KLRF1: variants seen among roughly 807,000 people sequenced by gnomAD.
KLRF1 encodes killer cell lectin-like receptor subfamily F member 1.
Under a neutral mutation model 30.7 loss-of-function variants are expected in KLRF1, and 27 were observed. The ratio of observed to expected loss-of-function variants is 0.88; its 90% CI spans 0.65 to 1.21. The LOEUF (loss-of-function observed/expected upper bound fraction) is 1.21, where lower values mean the gene tolerates loss of function less well. Ranked by LOEUF, KLRF1 falls within the 50% of genes most tolerant of loss-of-function variation. The probability of loss-of-function intolerance (pLI) is 0.00; values close to 1 mark genes in which losing one functional copy is unlikely to be tolerated. For missense variants in KLRF1, 246 were observed against 259.3 expected, an observed-to-expected ratio of 0.95 and a Z score of 0.35; for synonymous variants, 92 against 89.3, an observed-to-expected ratio of 1.03 and a Z score of -0.17.
Position 9,842,024 on chromosome 12 carries a change from T to A in KLRF1, c.474+73T>A, listed in dbSNP as rs1041726121. ...GCTTTCCTCAAATATCTTTCCATCT[T>A]TGCATTAAATCATCATTTACCTTGA... is the stretch of plus-strand genomic sequence containing the variant. On this transcript the variant is annotated intron_variant, in intron 4 of 5. Transcript: ENST00000617889. 1.3e-4 allele frequency: 180 copies of A among 1,435,368 alleles called. 1 individual carries two copies. The East Asian group carries it at 4.0e-3, about 32-fold the overall frequency. 88.9% of individuals were successfully genotyped at this position (1,435,368 alleles called of 1,614,324 possible).
upstream of KLRF1, chr12:9,827,480 C>T (rs1867305851): frequency 2.4e-6 from 2 of 828,436 alleles, no homozygotes; most frequent in Non-Finnish European, 3.8e-6. Flanking sequence ...ATTCTTTCCT[C>T]ATTTCATGTT....
upstream of KLRF1, among the ~76,000 whole-genome samples, chr12:9,826,104 AG>A (rs765627750): frequency 8.8e-4 from 134 of 152,316 alleles, no homozygotes; most frequent in African/African-American, 2.7e-3. Context: ...CTTATTTAAA[AG>A]GGTATATTGT....
At chr12:9,837,370 ATATT>A (rs1867600761) in intron 3 of KLRF1, among the ~76,000 whole-genome samples, 1 of 151,568 alleles carries the variant, frequency 6.6e-6, no homozygotes, top group Non-Finnish European at 1.5e-5. Context: ...AAATACATAT[ATATT>A]TATATGTATC....
chr12:9,810,219 C>T, the KLRF1 span, among the ~76,000 whole-genome samples: 1 of 152,102 alleles, frequency 6.6e-6, no homozygotes, highest in African/African-American at 2.4e-5. Flanking sequence ...AATGTGAATG[C>T]ATTTCTCATA....
the KLRF1 span, among the ~76,000 whole-genome samples, chr12:9,801,640 G>T: frequency 2.0e-5 from 3 of 152,020 alleles, no homozygotes; most frequent in African/African-American, 7.2e-5. Context: ...GCCACATAAT[G>T]TCTTCTTTTG....
chr12:9,810,701 T>C, the KLRF1 span, among the ~76,000 whole-genome samples: 1 of 152,216 alleles, frequency 6.6e-6, no homozygotes, highest in African/African-American at 2.4e-5. Flanking sequence ...CTTGCAAAAG[T>C]GTTTATTTCA....
intron 5 of KLRF1, 40 bp from the exon 6 acceptor site, chr12:9,844,378 G>A: frequency 9.6e-7 from 1 of 1,037,630 alleles, no homozygotes; most frequent in Non-Finnish European, 1.5e-6. Flanking sequence ...GATGTCTTCA[G>A]CTACAGTGAT....
chr12:9,823,925 G>A (rs901358977), upstream of KLRF1, among the ~76,000 whole-genome samples: 6 of 152,000 alleles, frequency 3.9e-5, no homozygotes, highest in Admixed American at 2.0e-4. Context: ...TCCCAACACC[G>A]AACCAGGGGG....
the KLRF1 span, among the ~76,000 whole-genome samples, chr12:9,818,845 T>C: frequency 6.6e-6 from 1 of 152,240 alleles, no homozygotes; most frequent in East Asian, 1.9e-4. Flanking sequence ...AAGCAGCTAG[T>C]GTGTGCTGTT....
chr12:9,823,202 G>A (rs543858409), upstream of KLRF1, among the ~76,000 whole-genome samples: 141 of 140,648 alleles, frequency 1.0e-3, no homozygotes, highest in Non-Finnish European at 1.4e-3. Flanking sequence ...ACAATTGAAT[G>A]TAAAACAATT....
At chr12:9,809,477 T>C in the KLRF1 span, among the ~76,000 whole-genome samples, 2 of 152,132 alleles carry the variant, frequency 1.3e-5, no homozygotes, top group African/African-American at 4.8e-5. Flanking sequence ...GTTGAAACCG[T>C]AACTTAAGTA....
intron 3 of KLRF1, among the ~76,000 whole-genome samples, chr12:9,835,014 A>G (rs995215836): frequency 6.6e-6 from 1 of 152,162 alleles, no homozygotes; most frequent in Admixed American, 6.5e-5. Flanking sequence ...AGGTCGTGAC[A>G]GAGGTTGAAA....
the KLRF1 span, among the ~76,000 whole-genome samples, chr12:9,806,139 T>G: frequency 6.6e-6 from 1 of 152,006 alleles, no homozygotes; most frequent in African/African-American, 2.4e-5. Context: ...TTATTTGAGA[T>G]TTCTTCTATT....
At chr12:9,839,838 C>T (rs1435357874) in intron 3 of KLRF1, among the ~76,000 whole-genome samples, 1 of 151,994 alleles carries the variant, frequency 6.6e-6, no homozygotes, top group Non-Finnish European at 1.5e-5. Flanking sequence ...CAACATTCAA[C>T]TTTTAGGTAT....
the KLRF1 span, among the ~76,000 whole-genome samples, chr12:9,811,841 A>G: frequency 6.6e-6 from 1 of 152,230 alleles, no homozygotes; most frequent in Non-Finnish European, 1.5e-5. Flanking sequence ...AATTCTGTGA[A>G]TACTTATGAA....
At chr12:9,810,842 A>G in the KLRF1 span, among the ~76,000 whole-genome samples, 2 of 152,200 alleles carry the variant, frequency 1.3e-5, no homozygotes, top group East Asian at 1.9e-4. Flanking sequence ...TTCTGTGTCA[A>G]TAAGCAAAAG....
chr12:9,833,944 AT>A (rs1394816830), intron 3 of KLRF1, among the ~76,000 whole-genome samples: 1 of 34,304 alleles, frequency 2.9e-5, no homozygotes, highest in Non-Finnish European at 5.8e-5. Context: ...AAGGCTGTTT[AT>A]TTCACCTGGG....
chr12:9,831,412 A>G (rs1353917539), intron 1 of KLRF1, among the ~76,000 whole-genome samples: 2 of 152,074 alleles, frequency 1.3e-5, no homozygotes, highest in East Asian at 3.9e-4. Flanking sequence ...TAGTTTCTCT[A>G]TTTTCTCAGG....
chr12:9,837,007 C>T (rs1003656549), intron 3 of KLRF1, among the ~76,000 whole-genome samples: 1 of 152,020 alleles, frequency 6.6e-6, no homozygotes, highest in African/African-American at 2.4e-5. Context: ...TAAAAGTAAA[C>T]AATTTCATGA....
Sources: allele counts gnomAD v4.1 joint callset (sites outside exome capture counted in the v4.1 genomes callset), GRCh38; gene constraint gnomAD v4.1.1; transcripts MANE v1.5; gene names NCBI Gene and HGNC (gene_info 2026-07-23, HGNC 2026-07-21).